The following PATJ variants were observed in gnomAD, a reference collection of about 807,000 sequenced individuals.
The protein encoded by PATJ is PATJ crumbs cell polarity complex component, also known as inaD-like protein.
Under a neutral mutation model 224.9 loss-of-function variants are expected in PATJ, and 190 were observed. The ratio of observed to expected loss-of-function variants is 0.84; its 90% CI spans 0.75 to 0.95. The LOEUF is 0.95. Among genes scored for constraint, PATJ ranks in the 40% least tolerant of loss-of-function variants. The probability of loss-of-function intolerance (pLI) is 0.00; values close to 1 mark genes in which losing one functional copy is unlikely to be tolerated. For synonymous variants in PATJ, 769 were observed against 820.3 expected (o/e 0.94, Z 1.07); for missense variants, 2,121 against 2,270.3 (o/e 0.93, Z 1.34).
intron 27 of PATJ, among the ~76,000 whole-genome samples, chr1:61,933,197 T>C (rs889249034): frequency 2.6e-5 from 4 of 152,170 alleles, no homozygotes; most frequent in Non-Finnish European, 5.9e-5. Flanking sequence ...GCAGGATTTG[T>C]CAAAGGTATG....
chr1:61,837,199 A>G (rs1660314313), intron 17 of PATJ, among the ~76,000 whole-genome samples: 1 of 152,208 alleles, frequency 6.6e-6, no homozygotes, highest in Non-Finnish European at 1.5e-5. Context: ...GGAAATAGGA[A>G]ATGTTATGTT....
intron 22 of PATJ, among the ~76,000 whole-genome samples, chr1:61,897,260 A>G (rs1670506033): frequency 1.3e-5 from 2 of 152,248 alleles, no homozygotes; most frequent in Admixed American, 1.3e-4. Context: ...GTTGCAAAGA[A>G]CAAGCAAGTG....
intron 31 of PATJ, among the ~76,000 whole-genome samples, chr1:62,062,392 CTTTTTTT>C (rs60747316): frequency 1.1e-4 from 3 of 28,456 alleles, no homozygotes; most frequent in African/African-American, 1.6e-4. Flanking sequence ...ATGTTGTCTT[CTTTTTTT>C]TTTTTTTTTT....
intron 43 of PATJ, among the ~76,000 whole-genome samples, chr1:62,154,388 G>A (rs1484040086): frequency 6.6e-6 from 1 of 151,934 alleles, no homozygotes; most frequent in Non-Finnish European, 1.5e-5. Context: ...GGTCTTCGAG[G>A]CTGGGCATAG....
intron 7 of PATJ, among the ~76,000 whole-genome samples, chr1:61,779,793 C>T (rs900746310): frequency 2.6e-5 from 4 of 152,146 alleles, no homozygotes; most frequent in Non-Finnish European, 5.9e-5. Context: ...ATTTAGCTTA[C>T]AGCTCTGCTG....
intron 31 of PATJ, among the ~76,000 whole-genome samples, chr1:62,057,486 G>A (rs1654743193): frequency 6.6e-6 from 1 of 152,174 alleles, no homozygotes; most frequent in Non-Finnish European, 1.5e-5. Flanking sequence ...CCGCAGTGTG[G>A]CATCAGATAG....
At chr1:61,969,037 G>A (rs1468881621) in intron 27 of PATJ, among the ~76,000 whole-genome samples, 1 of 152,150 alleles carries the variant, frequency 6.6e-6, no homozygotes. Context: ...GTTCATTCAT[G>A]TTGTAGTATG....
At chr1:62,038,329 T>C (rs568244773) in intron 30 of PATJ, 1 of 217,022 alleles carries the variant, frequency 4.6e-6, no homozygotes, top group East Asian at 9.3e-5. Context: ...TACAAGAAAA[T>C]TCTCTTTGTT....
At chr1:62,046,125 C>T (rs953165469) in intron 30 of PATJ, among the ~76,000 whole-genome samples, 1 of 151,616 alleles carries the variant, frequency 6.6e-6, no homozygotes. Flanking sequence ...TCACCTGGGC[C>T]CAAGAGGTCG....
rs376586839 is a variant in PATJ at position 62,084,513 on chromosome 1, A to G, written c.4244-2A>G. ...GTCATGCTGTGTTCAATTCTTTTCC[A>G]GGTGGTTTCCAGGCTCCTCTGTCAG... On this transcript the variant is annotated splice_acceptor_variant, in intron 32 of 43. Coordinates refer to ENST00000642238, the MANE Select transcript of PATJ (RefSeq NM_001350145.3). LOFTEE classifies it high-confidence loss of function. 22 of 1,607,944 alleles carry G rather than the reference A, an allele frequency of 1.4e-5. No individual in the cohort carries two copies. The highest frequency in any genetic ancestry group is 1.8e-5 in the Non-Finnish European group (21 of 1,178,196).
At chr1:61,754,520 G>GTTTTTTTTTTTTTTTTTTTTTTTTTTTCT (rs548557219) in intron 1 of PATJ, among the ~76,000 whole-genome samples, 1 of 94,448 alleles carries the variant, frequency 1.1e-5, no homozygotes, top group Non-Finnish European at 2.1e-5. Flanking sequence ...TTTTTTGCAT[G>GTTTTTTTTTTTTTTTTTTTTTTTTTTTCT]TTTTTTTTTT....
chr1:62,060,370 T>A (rs547293219), intron 31 of PATJ, among the ~76,000 whole-genome samples: 31 of 152,206 alleles, frequency 2.0e-4, no homozygotes, highest in African/African-American at 6.3e-4. Flanking sequence ...TTATTTTATT[T>A]TTTATTTATT....
chr1:61,807,330 C>T (rs1014690726), intron 13 of PATJ, among the ~76,000 whole-genome samples: 5 of 152,218 alleles, frequency 3.3e-5, no homozygotes, highest in African/African-American at 1.2e-4. Flanking sequence ...GCATGAGCCA[C>T]CACGCTCGCT....
rs753884165 is a variant in PATJ, at chr1:62,079,444, T to C, written c.4126-6T>C. 6.4e-7 allele frequency: 1 copy of C among 1,570,176 alleles called. No individual in the cohort carries two copies. The highest frequency in any genetic ancestry group is 8.8e-7 in the Non-Finnish European group (1 of 1,141,702). ...GATATTCATCTAATTTTCCTTTCTT[T>C]TGTAGGCTGTCAGCCAGATGAAACA... is the stretch of plus-strand genomic sequence containing the variant. On this transcript the variant is annotated splice_polypyrimidine_tract_variant and splice_region_variant and intron_variant, in intron 31 of 43. Transcript: ENST00000642238.
chr1:61,887,777 G>T (rs923245321), intron 22 of PATJ, among the ~76,000 whole-genome samples: 4 of 152,176 alleles, frequency 2.6e-5, no homozygotes, highest in Non-Finnish European at 5.9e-5. Flanking sequence ...ACCCAGAAAG[G>T]TGTGGCATTA....
chr1:62,037,631 A>G (rs1008347890), intron 29 of PATJ, among the ~76,000 whole-genome samples: 3 of 152,182 alleles, frequency 2.0e-5, no homozygotes, highest in Non-Finnish European at 2.9e-5. Flanking sequence ...GCACATGGCC[A>G]TTTGAAAAAT....
chr1:61,945,625 T>C (rs1678572636), intron 27 of PATJ, among the ~76,000 whole-genome samples: 1 of 152,054 alleles, frequency 6.6e-6, no homozygotes, highest in East Asian at 1.9e-4. Flanking sequence ...CACACAATAA[T>C]AGTGGGAGAC....
At chr1:62,133,508 G>C (rs1666478366) in intron 41 of PATJ, among the ~76,000 whole-genome samples, 2 of 152,188 alleles carry the variant, frequency 1.3e-5, no homozygotes. Context: ...CTTGAACCCG[G>C]AGAGTAGAGG....
In PATJ at chr1:61,797,367, A is replaced by C. The variant is rs1362783588; in HGVS notation, c.1341A>C (p.Leu447=). The C allele has an allele frequency of 1.2e-6, 2 of 1,613,834 alleles. No homozygotes were observed. Among genetic ancestry groups the C allele is most frequent in the Non-Finnish European group, 1.7e-6 (2 of 1,179,804 alleles). The part of the protein sequence containing the change: ...VLRNAGQVVH[L]TLVRRKTSSS... The stretch of plus-strand genomic sequence containing the variant: ...GAAATGCAGGGCAGGTGGTACACCT[A>C]ACCCTAGTTCGAAGGAAGACATCCT... Residue 447 remains leucine, a synonymous_variant, in exon 11 of 44, where the codon CTA becomes CTC. Transcript: ENST00000642238.
Sources: gnomAD v4.1 joint callset for allele counts (sites outside exome capture counted in the v4.1 genomes callset) on GRCh38, gnomAD v4.1.1 for gene constraint, MANE v1.5 for transcripts, NCBI Gene and HGNC (gene_info 2026-07-23, HGNC 2026-07-21) for gene names.